NLRP10: variants seen among roughly 807,000 people sequenced by gnomAD.
The protein encoded by NLRP10 is NACHT, LRR and PYD domains-containing protein 10.
A neutral mutation model predicts 8.2 loss-of-function variants in NLRP10; 7 were observed. The observed-to-expected ratio is 0.85, with a 90% CI of 0.48 to 1.60. The LOEUF is 1.60. Ranked by LOEUF, NLRP10 falls within the 40% of genes most tolerant of loss-of-function variation. The pLI is 0.00. For synonymous variants in NLRP10, 338 were observed against 314.0 expected (o/e 1.08, Z -0.81); for missense variants, 814 against 776.3 (o/e 1.05, Z -0.58).
At chr11:7,963,619 C>T (rs747691164) in intron 1 of NLRP10, 79 bp from the exon 2 acceptor site, 62 of 770,280 alleles carry the variant, frequency 8.0e-5, no homozygotes, top group South Asian at 1.3e-4. Flanking sequence ...AGTTATAGAG[C>T]GGAGGCCAGG....
At position 7,959,783 on chromosome 11, in the gene NLRP10, T is replaced by C. The variant is rs753649634; in HGVS notation, c.1829A>G (p.His610Arg). Residue 610 changes from histidine to arginine, a missense_variant, in exon 3 of 3, where the codon CAT (histidine) becomes CGT (arginine). Coordinates refer to ENST00000691676, the MANE Select transcript of NLRP10 (RefSeq NM_001391958.1). ...ACATTTTTGCTCCTCCTTAGGTCCA[T>C]GACTCAAGCTGCTTTTGACAGAAAA... is the stretch of plus-strand genomic sequence containing the variant. The part of the protein sequence containing the change: ...NLFSVKSSLS[H>R]GPKEEQKCPS... The C allele has an allele frequency of 6.2e-6, 10 of 1,614,102 alleles. No homozygotes were observed. The highest frequency in any genetic ancestry group is 1.1e-5 in the South Asian group (1 of 91,080).
At chr11:7,964,828 G>T (rs574614715) in intron 1 of NLRP10, among the ~76,000 whole-genome samples, 1 of 152,174 alleles carries the variant, frequency 6.6e-6, no homozygotes, top group African/African-American at 2.4e-5. Flanking sequence ...CTTTGGAAAA[G>T]AAAAGCAACA....
chr11:7,963,860 T>C (rs56159934), intron 1 of NLRP10, among the ~76,000 whole-genome samples: 12 of 149,494 alleles, frequency 8.0e-5, no homozygotes, highest in African/African-American at 3.0e-4. Flanking sequence ...TCTCAACACG[T>C]TCTTTATTAG....
At position 7,961,170 on chromosome 11, in the gene NLRP10, C is replaced by G. The variant is rs764639995; in HGVS notation, c.442G>C (p.Glu148Gln). ...AATAGAGCCTCCACCGTGACAGACT[C>G]CAGCTCCTGCTCCGGGAAGGGGCAG... is the stretch of plus-strand genomic sequence containing the variant. ...LACPFPEQEL[E>Q]SVTVEALFDS... The change falls in exon 3 of 3, where the codon GAG (glutamate) becomes CAG (glutamine). Residue 148 changes from glutamate (E) to glutamine (Q), a missense_variant. Physicochemically the swap from Glu to Gln is conservative, Grantham distance 29 (BLOSUM62 2). Coordinates refer to ENST00000691676, the MANE Select transcript of NLRP10 (RefSeq NM_001391958.1). 1 of 1,614,042 alleles carries G rather than the reference C, an allele frequency of 6.2e-7. No homozygotes were observed. The highest frequency in any genetic ancestry group is 8.5e-7 in the Non-Finnish European group (1 of 1,179,972).
chr11:7,963,653 G>C, intron 1 of NLRP10, 113 bp from the exon 2 acceptor site: 1 of 613,658 alleles, frequency 1.6e-6, no homozygotes. Context: ...CATGTGCAAA[G>C]CTCCAAGAAA....
rs773727714 is a variant in NLRP10 at position 7,959,747 on chromosome 11, T to C, written c.1865A>G (p.His622Arg). 1.2e-6 allele frequency: 2 copies of C among 1,613,758 alleles called. No individual in the cohort carries two copies. Among genetic ancestry groups the C allele is most frequent in the Non-Finnish European group, 1.7e-6 (2 of 1,179,706 alleles). ...ATTATCTTTGCCCTCCTTCTGTCCA[T>C]GGACAGAAGGACATTTTTGCTCCTC... ...PKEEQKCPSVHGQKEGKDNIA... is the reference protein window; with the variant it reads ...PKEEQKCPSVRGQKEGKDNIA... Residue 622 changes from histidine to arginine, a missense_variant, in exon 3 of 3, where the codon CAT (histidine) becomes CGT (arginine). By Grantham distance (29) the His-to-Arg change is conservative. Coordinates refer to ENST00000691676, the MANE Select transcript of NLRP10 (RefSeq NM_001391958.1).
rs1167402949 is a variant in NLRP10, at chr11:7,959,771, T to G, written c.1841A>C (p.Glu614Ala). Residue 614 changes from glutamate (E) to alanine (A), a missense_variant, in exon 3 of 3, where the codon GAG (glutamate) becomes GCG (alanine). Physicochemically the swap from Glu to Ala is moderately radical, Grantham distance 107. Coordinates refer to ENST00000691676, the MANE Select transcript of NLRP10 (RefSeq NM_001391958.1). ...ATGGACAGAAGGACATTTTTGCTCCTCCTTAGGTCCATGACTCAAGCTGCT... is the reference window on the plus strand; with the variant it reads ...ATGGACAGAAGGACATTTTTGCTCCGCCTTAGGTCCATGACTCAAGCTGCT... ...VKSSLSHGPK[E>A]EQKCPSVHGQ... 3.1e-6 allele frequency: 5 copies of G among 1,613,904 alleles called. No individual in the cohort carries two copies. The highest frequency in any genetic ancestry group is 4.2e-6 in the Non-Finnish European group (5 of 1,179,790).
chr11:7,964,914 A>G (rs944003359), intron 1 of NLRP10, among the ~76,000 whole-genome samples: 8 of 152,228 alleles, frequency 5.3e-5, no homozygotes, highest in African/African-American at 9.7e-5. Context: ...CAGTAGTACA[A>G]TGTCACATTC....
chr11:7,960,817 C>T lies in NLRP10; in HGVS notation c.795G>A (p.Arg265=), dbSNP rs200543557. The change falls in exon 3 of 3, where the codon AGG becomes AGA. Residue 265 remains arginine, a synonymous_variant. Coordinates refer to ENST00000691676, the MANE Select transcript of NLRP10 (RefSeq NM_001391958.1). The stretch of plus-strand genomic sequence containing the variant: ...GCAGGCTCTCCTTGGGACTCAAACC[C>T]CTCTTCTTCAACTTTTCTTCAAAGG... The part of the protein sequence containing the change: ...QRPFEEKLKK[R]GLSPKESLLH... The T allele has an allele frequency of 3.1e-6, 5 of 1,613,910 alleles. No individual in the cohort carries two copies. The African/African-American group carries it at 5.3e-5, about 17-fold the overall frequency.
In NLRP10 at chr11:7,960,611, G is replaced by T. The variant is rs772831029; in HGVS notation, c.1001C>A (p.Ala334Asp). Residue 334 changes from alanine (A) to aspartate (D), a missense_variant, in exon 3 of 3, where the codon GCT becomes GAT. By Grantham distance (126) the Ala-to-Asp change is moderately radical. Coordinates refer to ENST00000691676, the MANE Select transcript of NLRP10 (RefSeq NM_001391958.1). The stretch of plus-strand genomic sequence containing the variant: ...CTGTACAATGTCGAAGGCACGGTCA[G>T]CTTGCTTCTCATCCGTGAAATAGGA... ...FSSYFTDEKQ[A>D]DRAFDIVQKN... is the part of the protein sequence containing the mutation. 3 of 1,614,154 alleles carry T rather than the reference G, an allele frequency of 1.9e-6. No homozygotes were observed. In the South Asian group the frequency reaches 3.3e-5, roughly 18 times the overall value.
At chr11:7,962,397 G>A (rs542573762) in intron 2 of NLRP10, among the ~76,000 whole-genome samples, 2 of 151,818 alleles carry the variant, frequency 1.3e-5, no homozygotes, top group South Asian at 2.1e-4. Flanking sequence ...CACCATGCCC[G>A]GCTAATTTTT....
intron 2 of NLRP10, among the ~76,000 whole-genome samples, chr11:7,962,631 T>C (rs1005391322): frequency 1.3e-4 from 19 of 151,914 alleles, no homozygotes; most frequent in African/African-American, 4.6e-4. Flanking sequence ...ACCCTCCCAT[T>C]TGTACGTAGC....
In NLRP10 at chr11:7,960,562, C is replaced by A. The variant is rs1383879843; in HGVS notation, c.1050G>T (p.Ala350=). ...IVQKNDILYK[A]CQVPGICWVV... ...CCCAGCAAATGCCTGGAACCTGACA[C>A]GCTTTGTAGAGAATGTCATTTTTCT... Residue 350 remains alanine (A), a synonymous_variant, in exon 3 of 3, where the codon GCG becomes GCT. Coordinates refer to ENST00000691676, the MANE Select transcript of NLRP10 (RefSeq NM_001391958.1). 9.3e-6 allele frequency: 15 copies of A among 1,614,088 alleles called. No homozygotes were observed. The highest frequency in any genetic ancestry group is 6.7e-5 in the Admixed American group (4 of 60,002).
intron 1 of NLRP10, among the ~76,000 whole-genome samples, chr11:7,964,493 C>A (rs2133647535): frequency 6.6e-6 from 1 of 152,298 alleles, no homozygotes; most frequent in South Asian, 2.1e-4. Context: ...ATTTACATAT[C>A]CTTTTTGATC....
In NLRP10 at chr11:7,962,195, T is replaced by A. The variant is rs564050525; in HGVS notation, c.290-873A>T. 3.3e-5 allele frequency among the ~76,000 whole-genome samples: 5 copies of A among 150,028 alleles called. No homozygotes were observed. In the East Asian group the frequency reaches 7.9e-4, roughly 24 times the overall value. ...AAATTACCCAGTCTCAGGTATTGCTTTATAGCAATACCAAAGGGACTAAGA... is the reference window on the plus strand; with the variant it reads ...AAATTACCCAGTCTCAGGTATTGCTATATAGCAATACCAAAGGGACTAAGA... On this transcript the variant is annotated intron_variant, in intron 2 of 2. Coordinates refer to ENST00000691676, the MANE Select transcript of NLRP10 (RefSeq NM_001391958.1).
chr11:7,963,324 C>T lies in NLRP10; in HGVS notation c.172G>A (p.Ala58Thr). 1 of 1,614,230 alleles carries T rather than the reference C, an allele frequency of 6.2e-7. No homozygotes were observed. The highest frequency in any genetic ancestry group is 2.2e-5 in the East Asian group (1 of 44,878). ...ELEGLIPVDLAELLISKYGEK... is the reference protein window; with the variant it reads ...ELEGLIPVDLTELLISKYGEK... ...CCATACTTTGAAATCAGTAATTCTG[C>T]CAGGTCCACCGGAATCAGGCCCTCC... The change falls in exon 2 of 3, where the codon GCA becomes ACA. Residue 58 changes from alanine to threonine, a missense_variant. Physicochemically the swap from Ala to Thr is moderately conservative, Grantham distance 58 (BLOSUM62 0). Transcript: ENST00000691676.
In NLRP10 at chr11:7,961,184, G is replaced by A. The variant is rs762201492; in HGVS notation, c.428C>T (p.Pro143Leu). ...CGTGACAGACTCCAGCTCCTGCTCC[G>A]GGAAGGGGCAGGCAAGTGATTCTGG... Reference protein sequence around the residue: ...ESPESLACPFPEQELESVTVE... With the variant: ...ESPESLACPFLEQELESVTVE... The change falls in exon 3 of 3, where the codon CCG (proline) becomes CTG (leucine). Residue 143 changes from proline to leucine, a missense_variant. Coordinates refer to ENST00000691676, the MANE Select transcript of NLRP10 (RefSeq NM_001391958.1). 8.1e-6 allele frequency: 13 copies of A among 1,613,598 alleles called. No individual in the cohort carries two copies. In the East Asian group the frequency reaches 1.1e-4, roughly 14 times the overall value.
Position 7,957,548 on chromosome 11 carries a change from T to C in NLRP10, c.*2096A>G, listed in dbSNP as rs1372022517. Among the ~76,000 whole-genome samples, 4 of 152,314 alleles carry C rather than the reference T, an allele frequency of 2.6e-5. No individual in the cohort carries two copies. The highest frequency in any genetic ancestry group is 7.2e-5 in the African/African-American group (3 of 41,562). On this transcript the variant is annotated 3_prime_UTR_variant, in exon 3 of 3. Coordinates refer to ENST00000691676, the MANE Select transcript of NLRP10 (RefSeq NM_001391958.1). The stretch of plus-strand genomic sequence containing the variant: ...TTCATCAAATTTTATATATTAAATA[T>C]GCACAGTTTATTGTATTAAACTAAT...
chr11:7,961,291 G>A lies in NLRP10; in HGVS notation c.321C>T (p.Arg107=). The change falls in exon 3 of 3, where the codon CGC becomes CGT. Residue 107 remains arginine (R), a synonymous_variant. Transcript: ENST00000691676. ...CTGCTTCCTGCCATTCCTCTAGGCA[G>A]CGCACATGCTCTCGGTATACTTCTC... ...DYREVYREHV[R]CLEEWQEAGV... 4.4e-6 allele frequency: 7 copies of A among 1,594,272 alleles called. No homozygotes were observed. Among genetic ancestry groups the A allele is most frequent in the Non-Finnish European group, 6.0e-6 (7 of 1,168,670 alleles).
Sources: allele counts gnomAD v4.1 joint callset (sites outside exome capture counted in the v4.1 genomes callset), GRCh38; gene constraint gnomAD v4.1.1; transcripts MANE v1.5; gene names NCBI Gene and HGNC (gene_info 2026-07-23, HGNC 2026-07-21).